XKR6: variants seen among roughly 807,000 people sequenced by gnomAD.
XKR6 encodes XK related 6, also known as XK-related protein 6.
In XKR6, 22 loss-of-function variants were observed where a neutral mutation model predicts 56.7. The ratio of observed to expected loss-of-function variants is 0.39; its 90% CI spans 0.28 to 0.55. The LOEUF is 0.55. Among genes scored for constraint, XKR6 ranks in the 20% least tolerant of loss-of-function variants. The probability of loss-of-function intolerance (pLI) is 0.66; values close to 1 mark genes in which losing one functional copy is unlikely to be tolerated. For synonymous variants in XKR6, 524 were observed against 387.8 expected (o/e 1.35, Z -4.13); for missense variants, 852 against 889.0 (o/e 0.96, Z 0.53).
chr8:10,986,941 T>TA (rs1420695620), intron 1 of XKR6, among the ~76,000 whole-genome samples: 1 of 151,920 alleles, frequency 6.6e-6, no homozygotes, highest in East Asian at 1.9e-4. Flanking sequence ...TGGCCAATTT[T>TA]TTTTTTTTAA....
chr8:11,074,806 G>A (rs952004499), intron 1 of XKR6, among the ~76,000 whole-genome samples: 2 of 152,230 alleles, frequency 1.3e-5, no homozygotes, highest in African/African-American at 4.8e-5. Flanking sequence ...ACAAACTGTC[G>A]CTGAATGAAG....
intron 1 of XKR6, among the ~76,000 whole-genome samples, chr8:11,100,780 A>G (rs1361306510): frequency 6.6e-6 from 1 of 152,218 alleles, no homozygotes; most frequent in Admixed American, 6.5e-5. Flanking sequence ...GAAGGTAGGA[A>G]GTTCTGTTTT....
At chr8:11,126,346 G>A (rs1008938394) in intron 1 of XKR6, among the ~76,000 whole-genome samples, 1 of 152,122 alleles carries the variant, frequency 6.6e-6, no homozygotes, top group African/African-American at 2.4e-5. Context: ...GATTACAGGC[G>A]TGAGCCACTG....
At chr8:10,957,251 A>G (rs1160760914) in intron 1 of XKR6, among the ~76,000 whole-genome samples, 3 of 152,216 alleles carry the variant, frequency 2.0e-5, no homozygotes, top group Non-Finnish European at 4.4e-5. Context: ...TTGCCCAGCC[A>G]TAACTCAGTC....
intron 1 of XKR6, among the ~76,000 whole-genome samples, chr8:11,017,782 C>T (rs1179197585): frequency 6.6e-6 from 1 of 152,164 alleles, no homozygotes; most frequent in Non-Finnish European, 1.5e-5. Flanking sequence ...GTCAGAGGCA[C>T]CAGTAGGTGC....
intron 1 of XKR6, among the ~76,000 whole-genome samples, chr8:10,926,663 G>C (rs112157413): frequency 6.6e-6 from 1 of 152,262 alleles, no homozygotes; most frequent in South Asian, 2.1e-4. Flanking sequence ...GGCCCACCTT[G>C]CGGGTCAGGT....
At chr8:11,126,970 G>C (rs896657803) in intron 1 of XKR6, among the ~76,000 whole-genome samples, 1 of 152,126 alleles carries the variant, frequency 6.6e-6, no homozygotes, top group Admixed American at 6.5e-5. Context: ...AATGTTTATT[G>C]AGCAAAGAAA....
At chr8:10,979,295 C>T (rs1351392359) in intron 1 of XKR6, among the ~76,000 whole-genome samples, 1 of 151,982 alleles carries the variant, frequency 6.6e-6, no homozygotes, top group Non-Finnish European at 1.5e-5. Flanking sequence ...TGAAAGAACA[C>T]ATAAGTTAAC....
At chr8:11,100,661 CA>C (rs1181313609) in intron 1 of XKR6, among the ~76,000 whole-genome samples, 3 of 152,188 alleles carry the variant, frequency 2.0e-5, no homozygotes, top group Non-Finnish European at 4.4e-5. Flanking sequence ...CACTGAGAAA[CA>C]CAACAGAATT....
At chr8:11,108,552 CGGCCTTAGTGCCTTGG>C in intron 1 of XKR6, 5 of 356,554 alleles carry the variant, frequency 1.4e-5, no homozygotes, top group Non-Finnish European at 2.7e-5. Flanking sequence ...TGTGGCTCAG[CGGCCTTAGTGCCTTGG>C]ACTCTATTTC....
chr8:11,054,972 G>A (rs1179213808), intron 1 of XKR6, among the ~76,000 whole-genome samples: 2 of 152,214 alleles, frequency 1.3e-5, no homozygotes, highest in Middle Eastern at 3.2e-3. Context: ...TTCTCTGCAG[G>A]AGGGGAATGT....
intron 1 of XKR6, among the ~76,000 whole-genome samples, chr8:10,980,449 A>G (rs1797702516): frequency 6.6e-6 from 1 of 152,224 alleles, no homozygotes; most frequent in Admixed American, 6.5e-5. Context: ...CCACTCAGGA[A>G]TGTCAGTTCC....
rs62488575 is a variant in XKR6, at chr8:11,075,766, G to C, written c.764+124810C>G. Among the ~76,000 whole-genome samples the C allele has an allele frequency of 4.6e-5, 7 of 152,208 alleles. No homozygotes were observed. The South Asian group carries it at 1.0e-3, about 23-fold the overall frequency. On this transcript the variant is annotated intron_variant, in intron 1 of 2. Coordinates refer to ENST00000416569, the MANE Select transcript of XKR6 (RefSeq NM_173683.4). ...TGAGCACCTGTAGTCCCAGCTATTC[G>C]TGAGGCTGAGGCAGGAGAATCACTT...
intron 1 of XKR6, among the ~76,000 whole-genome samples, chr8:11,119,660 T>C (rs188441094): frequency 2.0e-3 from 306 of 152,324 alleles, no homozygotes; most frequent in African/African-American, 6.9e-3. Context: ...ATTTACTTGG[T>C]AGATCTTCCT....
intron 1 of XKR6, among the ~76,000 whole-genome samples, chr8:11,033,386 T>C (rs1412948320): frequency 6.6e-6 from 1 of 150,746 alleles, no homozygotes; most frequent in East Asian, 1.9e-4. Context: ...GTGGTGGTGA[T>C]GATGATGATG....
At chr8:11,036,214 C>G (rs1244341033) in intron 1 of XKR6, among the ~76,000 whole-genome samples, 1 of 152,158 alleles carries the variant, frequency 6.6e-6, no homozygotes, top group Non-Finnish European at 1.5e-5. Flanking sequence ...TCCCAAAGTG[C>G]TAAGATCACA....
At chr8:10,927,846 C>T (rs1269335248) in intron 1 of XKR6, among the ~76,000 whole-genome samples, 4 of 152,124 alleles carry the variant, frequency 2.6e-5, no homozygotes, top group Admixed American at 6.5e-5. Context: ...AGCAAGCAGA[C>T]GTTGGGGCCT....
At chr8:10,949,218 C>T (rs1238586482) in intron 1 of XKR6, among the ~76,000 whole-genome samples, 2 of 152,240 alleles carry the variant, frequency 1.3e-5, no homozygotes, top group Non-Finnish European at 2.9e-5. Context: ...CCTCTCCCTC[C>T]ATAAGATAAA....
At chr8:10,917,686 G>C (rs1032893274) in intron 2 of XKR6, among the ~76,000 whole-genome samples, 1 of 152,122 alleles carries the variant, frequency 6.6e-6, no homozygotes, top group Non-Finnish European at 1.5e-5. Flanking sequence ...TCCTCTGAGG[G>C]TTCCTGGGGT....
Sources: allele counts gnomAD v4.1 joint callset (sites outside exome capture counted in the v4.1 genomes callset), GRCh38; gene constraint gnomAD v4.1.1; transcripts MANE v1.5; gene names NCBI Gene and HGNC (gene_info 2026-07-23, HGNC 2026-07-21).